The following SLC18B1 variants were observed in gnomAD, a reference collection of about 807,000 sequenced individuals.
The protein encoded by SLC18B1 is solute carrier family 18 member B1, also known as MFS-type transporter SLC18B1.
In SLC18B1, 62 loss-of-function variants were observed where a neutral mutation model predicts 53.9. The ratio of observed to expected loss-of-function variants is 1.15; its 90% CI spans 0.94 to 1.42. SLC18B1 has a LOEUF of 1.42. Ranked by LOEUF, SLC18B1 falls within the 40% of genes most tolerant of loss-of-function variation. SLC18B1 has a pLI of 0.00. For synonymous variants in SLC18B1, 217 were observed against 200.9 expected, an observed-to-expected ratio of 1.08 and a Z score of -0.68; for missense variants, 598 against 547.3, an observed-to-expected ratio of 1.09 and a Z score of -0.93.
chr6:132,794,106 A>ATTT (rs1405294283), intron 2 of SLC18B1, among the ~76,000 whole-genome samples: 3 of 135,492 alleles, frequency 2.2e-5, no homozygotes, highest in Admixed American at 7.0e-5. Context: ...TTTTTTTTTT[A>ATTT]ATTTTTTTTT....
chr6:132,790,276 T>C lies in SLC18B1; in HGVS notation c.184-4A>G. On this transcript the variant is annotated splice_polypyrimidine_tract_variant and splice_region_variant and intron_variant, in intron 2 of 13. Coordinates refer to ENST00000275227, the MANE Select transcript of SLC18B1 (RefSeq NM_052831.3). Reference sequence around the variant, plus strand: ...TGCTGGCTCCCTTCTTTTCAGCCTTTAAGTAATAGAAACGGAAACAAAGTT... The same window carrying C: ...TGCTGGCTCCCTTCTTTTCAGCCTTCAAGTAATAGAAACGGAAACAAAGTT... 1 of 1,525,410 alleles carries C rather than the reference T, an allele frequency of 6.6e-7. No individual in the cohort carries two copies. Among genetic ancestry groups the C allele is most frequent in the African/African-American group, 1.4e-5 (1 of 71,700 alleles). 94.5% of individuals were successfully genotyped at this position (1,525,410 alleles called of 1,614,324 possible).
rs766665505 is a variant in SLC18B1 at position 132,792,290 on chromosome 6, AG to A, written c.184-2019del. Among the ~76,000 whole-genome samples the A allele has an allele frequency of 9.2e-3, 687 of 74,548 alleles. 16 individuals carry two copies. The highest frequency in any genetic ancestry group is 0.012 in the African/African-American group (145 of 12,006). The allele number at this position is 74,548 out of a possible 152,430, so 48.9% of individuals were successfully genotyped here. A position where few individuals can be genotyped will look rare whatever the true frequency, so the allele number is the denominator to read the frequency against. ...AAGAAAGAAAGAAAGAAAGGAAGAA[AG>A]GAAGGAAGGAAGGAAGGAAGGAAGG... On this transcript the variant is annotated intron_variant, in intron 2 of 13. Transcript: ENST00000275227.
chr6:132,779,570 T>A (rs1321926092), intron 6 of SLC18B1, among the ~76,000 whole-genome samples, 166 bp from the exon 7 acceptor site: 1 of 152,230 alleles, frequency 6.6e-6, no homozygotes, highest in Non-Finnish European at 1.5e-5. Flanking sequence ...TATAAATTAT[T>A]CAAACCTAGA....
intron 2 of SLC18B1, 84 bp downstream of exon 2, chr6:132,796,898 A>G: frequency 1.4e-6 from 2 of 1,382,080 alleles, no homozygotes; most frequent in South Asian, 3.0e-5. Context: ...CATTTTATAT[A>G]CTATAAAATA....
intron 7 of SLC18B1, 61 bp downstream of exon 7, chr6:132,779,207 A>G: frequency 6.3e-7 from 1 of 1,592,084 alleles, no homozygotes; most frequent in East Asian, 2.3e-5. Context: ...GCAGGGCCCA[A>G]GAACAAGCAG....
At chr6:132,781,006 G>C (rs1781222301) in intron 6 of SLC18B1, among the ~76,000 whole-genome samples, 1 of 152,156 alleles carries the variant, frequency 6.6e-6, no homozygotes, top group Non-Finnish European at 1.5e-5. Flanking sequence ...GGTATTGCCA[G>C]CAGGGAGACA....
chr6:132,776,719 A>T (rs1051051691), intron 7 of SLC18B1, among the ~76,000 whole-genome samples: 2 of 152,196 alleles, frequency 1.3e-5, no homozygotes, highest in Admixed American at 1.3e-4. Context: ...ATGTTTTGCA[A>T]ACTTCAATGT....
At chr6:132,779,554 C>A (rs765464093) in intron 6 of SLC18B1, 150 bp from the exon 7 acceptor site, 6 of 781,802 alleles carry the variant, frequency 7.7e-6, no homozygotes, top group Non-Finnish European at 1.2e-5. Flanking sequence ...ACCATCTATA[C>A]TTGCATATAA....
chr6:132,772,376 T>C (rs1344152873), intron 10 of SLC18B1, among the ~76,000 whole-genome samples, 170 bp from the exon 11 acceptor site: 1 of 152,174 alleles, frequency 6.6e-6, no homozygotes, highest in Non-Finnish European at 1.5e-5. Context: ...AGAATTTTCA[T>C]AGTTACATTT....
chr6:132,774,442 A>C, intron 8 of SLC18B1, 129 bp from the exon 9 acceptor site: 1 of 629,650 alleles, frequency 1.6e-6, no homozygotes, highest in Non-Finnish European at 2.7e-6. Context: ...AAGAAAACAA[A>C]ACTTTACATT....
At chr6:132,775,980 G>T (rs1781090169) in intron 8 of SLC18B1, among the ~76,000 whole-genome samples, 1 of 152,164 alleles carries the variant, frequency 6.6e-6, no homozygotes. Context: ...GATGCAGGAG[G>T]ATCACTTGAA....
intron 8 of SLC18B1, among the ~76,000 whole-genome samples, chr6:132,775,996 G>C (rs1781090343): frequency 6.6e-6 from 1 of 152,198 alleles, no homozygotes; most frequent in Non-Finnish European, 1.5e-5. Flanking sequence ...TTGAACCCAA[G>C]AATTCAAGGC....
intron 6 of SLC18B1, 54 bp downstream of exon 6, chr6:132,783,873 CTTACAA>C: frequency 7.6e-7 from 1 of 1,313,666 alleles, no homozygotes; most frequent in Admixed American, 2.9e-5. Flanking sequence ...AAACTGGTCT[CTTACAA>C]AGGTATAAAA....
At chr6:132,788,828 GAAAAAAAA>G (rs1158922120) in intron 4 of SLC18B1, among the ~76,000 whole-genome samples, 2 of 70,270 alleles carry the variant, frequency 2.8e-5, no homozygotes, top group African/African-American at 8.6e-5. Context: ...ATCTCAAAAA[GAAAAAAAA>G]AAAAAAAAAC....
chr6:132,795,493 A>C (rs1476542930), intron 2 of SLC18B1, among the ~76,000 whole-genome samples: 1 of 152,222 alleles, frequency 6.6e-6, no homozygotes, highest in Admixed American at 6.5e-5. Context: ...GGTAATGTGT[A>C]CTAGAAGCCA....
rs188658140 is a variant in SLC18B1, at chr6:132,770,198, C to A, written c.*72G>T. On this transcript the variant is annotated 3_prime_UTR_variant, in exon 14 of 14. Transcript: ENST00000275227. ...AGTTTTGCGCGTAAAATTTTAAAAA[C>A]CCTTCCTACGGTGATGTTTAAGGCC... The A allele has an allele frequency of 3.7e-5, 49 of 1,326,618 alleles. No homozygotes were observed. The African/African-American group carries it at 5.7e-4, about 16-fold the overall frequency. 82.2% of individuals were successfully genotyped at this position (1,326,618 alleles called of 1,614,324 possible). A position where few individuals can be genotyped will look rare whatever the true frequency, so the allele number is the denominator to read the frequency against.
intron 6 of SLC18B1, among the ~76,000 whole-genome samples, chr6:132,780,906 A>G (rs555228700): frequency 6.6e-6 from 1 of 152,216 alleles, no homozygotes; most frequent in East Asian, 1.9e-4. Flanking sequence ...GGTGAAATAA[A>G]TCTGAGCACA....
chr6:132,796,701 A>G (rs1781699240), intron 2 of SLC18B1, among the ~76,000 whole-genome samples: 1 of 152,174 alleles, frequency 6.6e-6, no homozygotes, highest in Non-Finnish European at 1.5e-5. Context: ...TGCAGAAACC[A>G]AATAAAGATT....
At chr6:132,770,572 C>T (rs1780943952) in intron 13 of SLC18B1, among the ~76,000 whole-genome samples, 3 of 151,990 alleles carry the variant, frequency 2.0e-5, no homozygotes, top group Admixed American at 6.6e-5. Context: ...CCTGTCTCTA[C>T]TAAAAATACA....
Sources: allele counts gnomAD v4.1 joint callset (sites outside exome capture counted in the v4.1 genomes callset), GRCh38; gene constraint gnomAD v4.1.1; transcripts MANE v1.5; gene names NCBI Gene and HGNC (gene_info 2026-07-23, HGNC 2026-07-21).